Variants in TBC1D5 observed in about 807,000 individuals in gnomAD.
TBC1D5 encodes the protein TBC1 domain family member 5, also known as TBC1 domain family, member 5.
A neutral mutation model predicts 100.3 loss-of-function variants in TBC1D5; 75 were observed. That is an observed-to-expected ratio of 0.75 (90% CI 0.62 to 0.91). The LOEUF (loss-of-function observed/expected upper bound fraction) is 0.91. Ranked by LOEUF, TBC1D5 falls within the 40% of genes least tolerant of loss-of-function variation. The probability of loss-of-function intolerance (pLI) is 0.00; values close to 1 mark genes in which losing one functional copy is unlikely to be tolerated. For synonymous variants in TBC1D5, 323 were observed against 325.6 expected (o/e 0.99, Z 0.09); for missense variants, 910 against 942.4 (o/e 0.97, Z 0.45).
chr3:17,284,628 G>A (rs1055855686), intron 15 of TBC1D5, among the ~76,000 whole-genome samples: 2 of 151,960 alleles, frequency 1.3e-5, no homozygotes, highest in African/African-American at 4.8e-5. Context: ...ATTATTTAAG[G>A]CCCCTAGGAA....
At chr3:17,657,735 T>C (rs1207654937) in intron 1 of TBC1D5, among the ~76,000 whole-genome samples, 1 of 152,194 alleles carries the variant, frequency 6.6e-6, no homozygotes, top group Non-Finnish European at 1.5e-5. Context: ...ACTTTACATC[T>C]CTGTATCTAC....
intron 13 of TBC1D5, among the ~76,000 whole-genome samples, chr3:17,371,256 A>G (rs1414728798): frequency 1.3e-5 from 2 of 152,166 alleles, no homozygotes; most frequent in Non-Finnish European, 2.9e-5. Context: ...ACAAAAGATG[A>G]TCATATGATA....
At chr3:17,659,567 A>G (rs904994874) in intron 1 of TBC1D5, among the ~76,000 whole-genome samples, 27 of 152,158 alleles carry the variant, frequency 1.8e-4, no homozygotes, top group African/African-American at 6.0e-4. Flanking sequence ...CAAATTCCAA[A>G]TTAGTGGTAT....
chr3:17,367,782 C>A (rs2092247852), intron 13 of TBC1D5, among the ~76,000 whole-genome samples: 1 of 151,686 alleles, frequency 6.6e-6, no homozygotes, highest in Non-Finnish European at 1.5e-5. Flanking sequence ...TTGCTTGAAC[C>A]CGGGAGGCAG....
intron 1 of TBC1D5, among the ~76,000 whole-genome samples, chr3:17,667,698 C>T (rs1312925492): frequency 1.3e-5 from 2 of 152,032 alleles, no homozygotes; most frequent in African/African-American, 4.8e-5. Flanking sequence ...GCTATCTACC[C>T]GCCTCAACCT....
rs143083787 is a variant in TBC1D5 at position 17,385,391 on chromosome 3, G to C, written c.510-1376C>G. Among the ~76,000 whole-genome samples, 1,094 of 152,134 alleles carry C rather than the reference G, an allele frequency of 7.2e-3. 14 individuals are homozygous for C. Among genetic ancestry groups the C allele is most frequent in the Non-Finnish European group, 0.013 (856 of 67,960 alleles). ...GAAACAGAGAAACATTCCTTAATGA[G>C]TCTTTTAAGAGCAGTAGTGGCTGTT... On this transcript the variant is annotated intron_variant, in intron 8 of 21. Coordinates refer to ENST00000253692, the Ensembl canonical transcript of TBC1D5.
chr3:17,633,176 C>A (rs1299110769), intron 1 of TBC1D5, among the ~76,000 whole-genome samples: 1 of 152,162 alleles, frequency 6.6e-6, no homozygotes, highest in Non-Finnish European at 1.5e-5. Context: ...GTGACCCATG[C>A]CTGTAATCCC....
At chr3:17,737,944 C>G (rs1560591969) in intron 1 of TBC1D5, among the ~76,000 whole-genome samples, 1 of 152,076 alleles carries the variant, frequency 6.6e-6, no homozygotes. Flanking sequence ...CAACACTGGA[C>G]AATGACTGAA....
At chr3:17,484,455 G>GGGGTGTGTGTGTGTGTGTGT (rs1309270588) in intron 3 of TBC1D5, among the ~76,000 whole-genome samples, 2 of 111,526 alleles carry the variant, frequency 1.8e-5, no homozygotes, top group African/African-American at 8.0e-5. Flanking sequence ...GTAACACCAG[G>GGGGTGTGTGTGTGTGTGTGT]GTGTGTGTGT....
chr3:17,560,630 G>A lies in TBC1D5; in HGVS notation c.-35-52025C>T, dbSNP rs570951974. ...TAAAACCTTGTCTTTAAAAAAAAAA[G>A]GGGGGGTGGGGGGCGGACACAGTGG... On this transcript the variant is annotated intron_variant, in intron 2 of 21. Coordinates refer to ENST00000253692, the Ensembl canonical transcript of TBC1D5. Among the ~76,000 whole-genome samples, 5 of 132,782 alleles carry A rather than the reference G, an allele frequency of 3.8e-5. No individual in the cohort carries two copies. In the East Asian group the frequency reaches 1.2e-3, roughly 33 times the overall value. The allele number at this position is 132,782 out of a possible 152,430, so 87.1% of individuals were successfully genotyped here.
intron 15 of TBC1D5, among the ~76,000 whole-genome samples, chr3:17,261,374 T>C (rs565156409): frequency 7.2e-4 from 109 of 150,358 alleles, no homozygotes; most frequent in Non-Finnish European, 1.2e-3. Context: ...ACCAAAATGA[T>C]ATCAATGGTT....
At chr3:17,542,824 G>A (rs150146375) in intron 2 of TBC1D5, among the ~76,000 whole-genome samples, 1 of 152,218 alleles carries the variant, frequency 6.6e-6, no homozygotes, top group African/African-American at 2.4e-5. Flanking sequence ...TGGTGATGGT[G>A]TATAATCCTA....
intron 2 of TBC1D5, among the ~76,000 whole-genome samples, chr3:17,540,891 G>A (rs1490649028): frequency 1.6e-5 from 2 of 127,750 alleles, no homozygotes; most frequent in Non-Finnish European, 3.1e-5. Context: ...TGGCGACAGA[G>A]CGAGGCTCCA....
chr3:17,358,714 A>T (rs1467926914), intron 13 of TBC1D5, among the ~76,000 whole-genome samples: 2 of 152,212 alleles, frequency 1.3e-5, no homozygotes, highest in Non-Finnish European at 2.9e-5. Flanking sequence ...AATGTTTTAA[A>T]AGGTATATTT....
chr3:17,723,161 A>G (rs2075839067), intron 1 of TBC1D5, among the ~76,000 whole-genome samples: 1 of 152,186 alleles, frequency 6.6e-6, no homozygotes, highest in Admixed American at 6.5e-5. Context: ...TACATTCTAA[A>G]GTAACTAAAA....
chr3:17,512,982 C>T (rs1475415692), intron 2 of TBC1D5, among the ~76,000 whole-genome samples: 1 of 152,064 alleles, frequency 6.6e-6, no homozygotes, highest in East Asian at 1.9e-4. Context: ...AGCACTAAAG[C>T]TTAGAAGGCA....
In TBC1D5 at chr3:17,311,514, T is replaced by TA. The variant is rs2084027671; in HGVS notation, c.996-3381dup. On this transcript the variant is annotated intron_variant, in intron 13 of 21. Transcript: ENST00000253692. ...TAAGCTGCTATTCCCAGGGGAACAG[T>TA]AACTACTGTTGGTGTTATTGCTTGG... Among the ~76,000 whole-genome samples the TA allele has an allele frequency of 2.0e-5, 3 of 152,162 alleles. No homozygotes were observed. The South Asian group carries it at 6.2e-4, about 32-fold the overall frequency.
chr3:17,166,456 A>C (rs1402037020), intron 21 of TBC1D5, among the ~76,000 whole-genome samples: 1 of 152,238 alleles, frequency 6.6e-6, no homozygotes. Flanking sequence ...CTGATAACTA[A>C]GACAGAGATC....
At chr3:17,297,639 G>C (rs930204757) in intron 14 of TBC1D5, among the ~76,000 whole-genome samples, 2 of 151,802 alleles carry the variant, frequency 1.3e-5, no homozygotes, top group Non-Finnish European at 2.9e-5. Context: ...CTATAGTCCA[G>C]TAGCATGATC....
Sources: allele counts gnomAD v4.1 joint callset (sites outside exome capture counted in the v4.1 genomes callset), GRCh38; gene constraint gnomAD v4.1.1; transcripts MANE v1.5; gene names NCBI Gene and HGNC (gene_info 2026-07-23, HGNC 2026-07-21).